The following AQP11 variants were observed in gnomAD, a reference collection of about 807,000 sequenced individuals.
AQP11 encodes aquaporin-11.
AQP11 carries 20 observed loss-of-function variants against 21.1 expected under a neutral mutation model. The observed-to-expected ratio is 0.95, with a 90% CI of 0.67 to 1.38. The LOEUF (loss-of-function observed/expected upper bound fraction) is 1.38, where lower values mean the gene tolerates loss of function less well. AQP11 is among the 40% of genes most tolerant of loss of function. The pLI, the probability that AQP11 is intolerant of heterozygous loss-of-function variation, is 0.00. For missense variants in AQP11, 339 were observed against 340.4 expected (o/e 1.00, Z 0.03); for synonymous variants, 167 against 150.1 (o/e 1.11, Z -0.82).
Position 77,589,962 on chromosome 11 carries a change from G to T in AQP11, c.-31G>T. ...AGACCGCCTCCTACCCAGAGCCGGA[G>T]CCCGCAACCCGCTCAGGCGGCGACG... On this transcript the variant is annotated 5_prime_UTR_variant, in exon 1 of 3. Coordinates refer to ENST00000313578, the MANE Select transcript of AQP11 (RefSeq NM_173039.3). 1 of 1,442,404 alleles carries T rather than the reference G, an allele frequency of 6.9e-7. No individual in the cohort carries two copies. Among genetic ancestry groups the T allele is most frequent in the Non-Finnish European group, 9.0e-7 (1 of 1,105,286 alleles). 89.4% of individuals were successfully genotyped at this position (1,442,404 alleles called of 1,614,324 possible).
intron 1 of AQP11, among the ~76,000 whole-genome samples, chr11:77,596,532 A>ATG (rs1265295313): frequency 1.7e-5 from 2 of 115,800 alleles, no homozygotes; most frequent in South Asian, 2.8e-4. Flanking sequence ...GTAAATATAT[A>ATG]TGTAAATATA....
intron 1 of AQP11, chr11:77,591,020 A>C (rs540381791): frequency 1.0e-6 from 1 of 985,466 alleles, no homozygotes; most frequent in South Asian, 4.7e-5. Flanking sequence ...TTCGATTTAA[A>C]GCACAAGGCA....
At chr11:77,597,652 G>A (rs1419736117) in intron 1 of AQP11, among the ~76,000 whole-genome samples, 2 of 152,178 alleles carry the variant, frequency 1.3e-5, no homozygotes, top group East Asian at 3.8e-4. Context: ...GAAAAGTGGA[G>A]TTTGGAGATG....
intron 1 of AQP11, among the ~76,000 whole-genome samples, chr11:77,596,529 TATATGTAA>T (rs1261885434): frequency 1.7e-5 from 2 of 119,494 alleles, no homozygotes; most frequent in African/African-American, 6.7e-5. Context: ...TATGTAAATA[TATATGTAA>T]ATATATATAT....
intron 1 of AQP11, among the ~76,000 whole-genome samples, chr11:77,597,178 T>C (rs1246115506): frequency 6.6e-6 from 1 of 152,170 alleles, no homozygotes; most frequent in South Asian, 2.1e-4. Context: ...AATTTGTCCA[T>C]TGAAAATAAG....
chr11:77,596,468 A>ATG (rs1958780701), intron 1 of AQP11, among the ~76,000 whole-genome samples: 3 of 141,432 alleles, frequency 2.1e-5, no homozygotes, highest in Non-Finnish European at 4.6e-5. Context: ...ATATATATAT[A>ATG]TGTAAATATA....
At chr11:77,604,203 ACTCCTGGG>A (rs1958831588) in intron 2 of AQP11, among the ~76,000 whole-genome samples, 1 of 151,684 alleles carries the variant, frequency 6.6e-6, no homozygotes, top group East Asian at 1.9e-4. Context: ...CTGTGCTTGA[ACTCCTGGG>A]CACAAGCAAT....
rs139973274 is a variant in AQP11 at position 77,606,521 on chromosome 11, C to T, written c.737-2777C>T. ...ATAATCCGAACATTCCCCCTAACCC[C>T]GCCAAAAAAAAGCCGAAATCTCTTA... On this transcript the variant is annotated intron_variant, in intron 2 of 2. Transcript: ENST00000313578. Among the ~76,000 whole-genome samples the T allele has an allele frequency of 5.6e-3, 852 of 152,088 alleles. 14 individuals are homozygous for T. The highest frequency in any genetic ancestry group is 0.019 in the African/African-American group (803 of 41,498).
rs1291939719 is a variant in AQP11 at position 77,609,882 on chromosome 11, T to C, written c.*505T>C. The C allele has an allele frequency of 6.6e-6, 1 of 152,302 alleles. No individual in the cohort carries two copies. The highest frequency in any genetic ancestry group is 1.5e-5 in the Non-Finnish European group (1 of 68,102). The allele number at this position is 152,302 out of a possible 1,614,324, so 9.4% of individuals were successfully genotyped here. On this transcript the variant is annotated 3_prime_UTR_variant, in exon 3 of 3. Transcript: ENST00000313578. ...TCAACAGGAAAGTTGCTTTTAGAAGTAGAATATATATTCACTCACATGCAA... is the reference window on the plus strand; with the variant it reads ...TCAACAGGAAAGTTGCTTTTAGAAGCAGAATATATATTCACTCACATGCAA...
At chr11:77,596,473 A>AATATATATATGTAT in intron 1 of AQP11, among the ~76,000 whole-genome samples, 1 of 140,370 alleles carries the variant, frequency 7.1e-6, no homozygotes, top group South Asian at 2.2e-4. Flanking sequence ...TATATATGTA[A>AATATATATATGTAT]ATATATATGT....
chr11:77,603,617 T>A lies in AQP11; in HGVS notation c.681T>A (p.Cys227Ter). 6.2e-7 allele frequency: 1 copy of A among 1,609,830 alleles called. No individual in the cohort carries two copies. Among genetic ancestry groups the A allele is most frequent in the Non-Finnish European group, 8.5e-7 (1 of 1,178,376 alleles). ...PALALSLHFM[C>*]FDEAFPQFFI... ...TGGCACTTTCGCTACATTTCATGTG[T>A]TTTGATGAAGCATTCCCTCAGTTTT... is the stretch of plus-strand genomic sequence containing the variant. The change falls in exon 2 of 3, where the codon TGT (cysteine) becomes TGA (stop). Residue 227 changes from cysteine (C) to a stop codon, truncating the protein, a stop_gained. Transcript: ENST00000313578. LOFTEE classifies it high-confidence loss of function.
intron 1 of AQP11, among the ~76,000 whole-genome samples, chr11:77,598,982 A>G (rs1416049709): frequency 6.6e-6 from 1 of 152,200 alleles, no homozygotes; most frequent in Non-Finnish European, 1.5e-5. Flanking sequence ...CCCAGGTTCA[A>G]GCGATTCTCC....
rs761115583 is a variant in AQP11, at chr11:77,610,190, T to C, written c.*813T>C. 6.6e-6 allele frequency: 1 copy of C among 152,224 alleles called. No individual in the cohort carries two copies. Among genetic ancestry groups the C allele is most frequent in the Non-Finnish European group, 1.5e-5 (1 of 68,038 alleles). 9.4% of individuals were successfully genotyped at this position (152,224 alleles called of 1,614,324 possible). ...CTGGCTTAGATCACATAGAGCCAAATACCATCTCTAGTCTTCAACTTCAAT... is the reference window on the plus strand; with the variant it reads ...CTGGCTTAGATCACATAGAGCCAAACACCATCTCTAGTCTTCAACTTCAAT... On this transcript the variant is annotated 3_prime_UTR_variant, in exon 3 of 3. Transcript: ENST00000313578.
chr11:77,599,535 C>T (rs1176900293), intron 1 of AQP11, among the ~76,000 whole-genome samples: 1 of 151,606 alleles, frequency 6.6e-6, no homozygotes, highest in Non-Finnish European at 1.5e-5. Flanking sequence ...CCACCAGCCT[C>T]GGCCTCCCAA....
chr11:77,596,767 G>A (rs1350717399), intron 1 of AQP11, among the ~76,000 whole-genome samples: 1 of 151,400 alleles, frequency 6.6e-6, no homozygotes, highest in Non-Finnish European at 1.5e-5. Context: ...GGCTGAGACA[G>A]TAAGACTGCT....
At chr11:77,593,121 C>G (rs1257698360) in intron 1 of AQP11, among the ~76,000 whole-genome samples, 1 of 152,184 alleles carries the variant, frequency 6.6e-6, no homozygotes, top group African/African-American at 2.4e-5. Context: ...TGTGCTGTAG[C>G]TAGTGGGTAC....
chr11:77,590,722 C>A, intron 1 of AQP11, 111 bp downstream of exon 1: 1 of 1,504,594 alleles, frequency 6.6e-7, no homozygotes, highest in South Asian at 1.3e-5. Context: ...GATGTAAATG[C>A]TGGTATCCCC....
chr11:77,605,180 G>A (rs890444760), intron 2 of AQP11, among the ~76,000 whole-genome samples: 4 of 152,126 alleles, frequency 2.6e-5, no homozygotes, highest in South Asian at 2.1e-4. Flanking sequence ...GCGACAGAGC[G>A]AGACTCCATC....
intron 2 of AQP11, among the ~76,000 whole-genome samples, chr11:77,608,080 A>C (rs1958856993): frequency 1.3e-5 from 2 of 152,314 alleles, no homozygotes; most frequent in East Asian, 3.9e-4. Context: ...AAGAGAACAT[A>C]ATTTCAAATG....
Sources: gnomAD v4.1 joint callset for allele counts (sites outside exome capture counted in the v4.1 genomes callset) on GRCh38, gnomAD v4.1.1 for gene constraint, MANE v1.5 for transcripts, NCBI Gene and HGNC (gene_info 2026-07-23, HGNC 2026-07-21) for gene names.